ALK: variants seen among roughly 807,000 people sequenced by gnomAD.
The protein encoded by ALK is ALK receptor tyrosine kinase.
In ALK, 74 loss-of-function variants were observed where a neutral mutation model predicts 163.1. That is an observed-to-expected ratio of 0.45 (90% CI 0.38 to 0.55). The LOEUF is 0.55. Ranked by LOEUF, ALK falls within the 20% of genes least tolerant of loss-of-function variation. The pLI is 0.00. For synonymous variants in ALK, 960 were observed against 843.2 expected (o/e 1.14, Z -2.40); for missense variants, 2,063 against 2,105.3 (o/e 0.98, Z 0.39).
intron 3 of ALK, among the ~76,000 whole-genome samples, chr2:29,539,012 A>G (rs1429043209): frequency 6.6e-6 from 1 of 151,754 alleles, no homozygotes; most frequent in African/African-American, 2.4e-5. Flanking sequence ...GAGGCTATTT[A>G]GTCTTCCTGC....
chr2:29,918,165 C>T (rs115749829), intron 1 of ALK, among the ~76,000 whole-genome samples: 3 of 152,330 alleles, frequency 2.0e-5, no homozygotes, highest in African/African-American at 7.2e-5. Flanking sequence ...TACCTGTTTA[C>T]AGTTGGCAGG....
intron 1 of ALK, among the ~76,000 whole-genome samples, chr2:29,755,687 T>G (rs145550284): frequency 6.6e-6 from 1 of 152,232 alleles, no homozygotes; most frequent in East Asian, 1.9e-4. Context: ...GAGGCACATA[T>G]TAGTACCCAC....
At chr2:29,355,202 G>T (rs17007931) in intron 5 of ALK, among the ~76,000 whole-genome samples, 21,959 of 152,142 alleles carry the variant, frequency 0.14, 1,889 homozygotes, top group South Asian at 0.28. Flanking sequence ...CCATTTGTGT[G>T]GTGCATTCAC....
At chr2:29,716,686 C>T (rs1383051213) in intron 2 of ALK, among the ~76,000 whole-genome samples, 2 of 152,138 alleles carry the variant, frequency 1.3e-5, no homozygotes, top group African/African-American at 4.8e-5. Context: ...GTTTCCACAT[C>T]TGTAAAAATG....
intron 11 of ALK, among the ~76,000 whole-genome samples, chr2:29,272,739 A>C (rs1665425916): frequency 1.3e-5 from 2 of 152,158 alleles, no homozygotes; most frequent in African/African-American, 4.8e-5. Context: ...GAAGGTTGGG[A>C]GCTGATTTGT....
intron 3 of ALK, among the ~76,000 whole-genome samples, chr2:29,648,203 A>AT (rs1676938829): frequency 1.3e-5 from 2 of 152,114 alleles, no homozygotes; most frequent in Non-Finnish European, 2.9e-5. Context: ...ACATTTTTTA[A>AT]TTTTTATTGA....
At chr2:29,654,458 T>C (rs1424672277) in intron 3 of ALK, among the ~76,000 whole-genome samples, 1 of 152,070 alleles carries the variant, frequency 6.6e-6, no homozygotes, top group African/African-American at 2.4e-5. Context: ...AGTAATTATT[T>C]TGAGAGAAAC....
chr2:29,825,690 G>T (rs1665176698), intron 1 of ALK, among the ~76,000 whole-genome samples: 1 of 149,006 alleles, frequency 6.7e-6, no homozygotes, highest in Non-Finnish European at 1.5e-5. Context: ...TTAAGTTTTT[G>T]TCTTGAAAAG....
chr2:29,810,279 G>C (rs186764039), intron 1 of ALK, among the ~76,000 whole-genome samples: 1 of 151,972 alleles, frequency 6.6e-6, no homozygotes, highest in Admixed American at 6.6e-5. Context: ...AAAATCAGCC[G>C]AGTGTGGTGG....
intron 3 of ALK, among the ~76,000 whole-genome samples, chr2:29,633,036 C>G (rs374451236): frequency 6.6e-6 from 1 of 152,156 alleles, no homozygotes; most frequent in Non-Finnish European, 1.5e-5. Flanking sequence ...TCATCCACCA[C>G]GCTGACACTC....
chr2:29,391,620 G>C (rs1383094233), intron 4 of ALK, among the ~76,000 whole-genome samples: 1 of 151,976 alleles, frequency 6.6e-6, no homozygotes, highest in East Asian at 1.9e-4. Flanking sequence ...AGCTTCTTTT[G>C]AGCTTCTTCT....
chr2:29,865,822 T>C (rs1666421058), intron 1 of ALK, among the ~76,000 whole-genome samples: 1 of 152,210 alleles, frequency 6.6e-6, no homozygotes, highest in South Asian at 2.1e-4. Flanking sequence ...GAAGTACTTA[T>C]TATTGTTATT....
At chr2:29,517,860 T>G (rs570510145) in intron 4 of ALK, among the ~76,000 whole-genome samples, 20 of 152,326 alleles carry the variant, frequency 1.3e-4, no homozygotes, top group African/African-American at 4.8e-4. Context: ...ATGTCAAGTG[T>G]GTGCATGGTG....
At chr2:29,267,240 G>C (rs1483599291) in intron 11 of ALK, among the ~76,000 whole-genome samples, 1 of 152,108 alleles carries the variant, frequency 6.6e-6, no homozygotes, top group Non-Finnish European at 1.5e-5. Flanking sequence ...ACCACCATAT[G>C]AGTTTGGCAG....
At chr2:29,808,166 A>G (rs1664668266) in intron 1 of ALK, among the ~76,000 whole-genome samples, 1 of 152,258 alleles carries the variant, frequency 6.6e-6, no homozygotes, top group Admixed American at 6.5e-5. Context: ...GTCTATGGGA[A>G]AAGATACTAA....
intron 1 of ALK, among the ~76,000 whole-genome samples, chr2:29,796,081 T>C (rs954015888): frequency 6.6e-6 from 1 of 152,156 alleles, no homozygotes; most frequent in Non-Finnish European, 1.5e-5. Context: ...TTTATCCTTA[T>C]GGTCAAATGA....
At chr2:29,599,743 C>G (rs1168745722) in intron 3 of ALK, among the ~76,000 whole-genome samples, 6 of 152,180 alleles carry the variant, frequency 3.9e-5, no homozygotes, top group Non-Finnish European at 4.4e-5. Flanking sequence ...AGATATATAT[C>G]CATACTTGAA....
intron 1 of ALK, among the ~76,000 whole-genome samples, chr2:29,916,771 C>G (rs777704534): frequency 6.6e-6 from 1 of 152,190 alleles, no homozygotes; most frequent in Non-Finnish European, 1.5e-5. Context: ...TGGGTGACAG[C>G]AGAAACAGAT....
intron 26 of ALK, among the ~76,000 whole-genome samples, chr2:29,203,485 C>T (rs1254637407): frequency 3.1e-5 from 1 of 32,546 alleles, no homozygotes; most frequent in Non-Finnish European, 5.2e-5. Context: ...GAGGATGTGC[C>T]TTTTTTTTTT....
Sources: gnomAD v4.1 joint callset for allele counts (sites outside exome capture counted in the v4.1 genomes callset) on GRCh38, gnomAD v4.1.1 for gene constraint, MANE v1.5 for transcripts, NCBI Gene and HGNC (gene_info 2026-07-23, HGNC 2026-07-21) for gene names.